Variants in C2orf49 observed in about 807,000 individuals in gnomAD.
C2orf49 encodes the protein tRNA-splicing ligase complex subunit ASW.
In C2orf49, 11 loss-of-function variants were observed where a neutral mutation model predicts 20.6. The ratio of observed to expected loss-of-function variants is 0.53; its 90% CI spans 0.34 to 0.88. The LOEUF (loss-of-function observed/expected upper bound fraction) is 0.88. Among genes scored for constraint, C2orf49 ranks in the 40% least tolerant of loss-of-function variants. C2orf49 has a pLI of 0.02. For synonymous variants in C2orf49, 134 were observed against 108.5 expected (o/e 1.24, Z -1.46); for missense variants, 289 against 274.2 (o/e 1.05, Z -0.38).
chr2:105,373,387 C>T, the C2orf49 span: 1 of 673,176 alleles, frequency 1.5e-6, no homozygotes, highest in Non-Finnish European at 2.6e-6. Context: ...CATGATAGAA[C>T]CTGTATGTCC....
chr2:105,345,617 G>A lies in C2orf49; in HGVS notation c.*246G>A. 2.0e-6 allele frequency: 1 copy of A among 510,144 alleles called. No individual in the cohort carries two copies. The highest frequency in any genetic ancestry group is 2.4e-5 in the South Asian group (1 of 41,670). The allele number at this position is 510,144 out of a possible 1,614,324, so 31.6% of individuals were successfully genotyped here. A position where few individuals can be genotyped will look rare whatever the true frequency, so the allele number is the denominator to read the frequency against. ...TTTTTAAACCAATGGCTTAGTATATGTCATTTATATTGACCCTACTGAAAT... is the reference window on the plus strand; with the variant it reads ...TTTTTAAACCAATGGCTTAGTATATATCATTTATATTGACCCTACTGAAAT... On this transcript the variant is annotated 3_prime_UTR_variant, in exon 4 of 4. Transcript: ENST00000258457.
the C2orf49 span, chr2:105,367,635 T>C: frequency 1.2e-6 from 2 of 1,614,164 alleles, no homozygotes; most frequent in Non-Finnish European, 1.7e-6. Context: ...AAATTCTGAT[T>C]GTCTTTGGGG....
the C2orf49 span, chr2:105,378,932 G>A: frequency 1.3e-5 from 2 of 152,204 alleles, no homozygotes; most frequent in Non-Finnish European, 2.9e-5. Context: ...TCCTGGGCCA[G>A]AAATGCCTGA....
In C2orf49 at chr2:105,348,046, T is replaced by C. The variant is rs1573250699; in HGVS notation, c.*2675T>C. 1 of 152,244 alleles carries C rather than the reference T, an allele frequency of 6.6e-6. No homozygotes were observed. Among genetic ancestry groups the C allele is most frequent in the African/African-American group, 2.4e-5 (1 of 41,464 alleles). The allele number at this position is 152,244 out of a possible 1,614,324, so 9.4% of individuals were successfully genotyped here. ...GTTCCTTCTTTTCCCTTTCTCCTTA[T>C]ACATTTTCTTTCTCTACTTTAATTC... On this transcript the variant is annotated 3_prime_UTR_variant, in exon 4 of 4. Transcript: ENST00000258457.
the C2orf49 span, among the ~76,000 whole-genome samples, chr2:105,365,619 A>G: frequency 6.6e-6 from 1 of 151,976 alleles, no homozygotes; most frequent in African/African-American, 2.4e-5. Flanking sequence ...GAATAAAGAA[A>G]AAAACAGGAG....
the C2orf49 span, chr2:105,361,096 C>T: frequency 1.2e-5 from 6 of 511,354 alleles, no homozygotes; most frequent in Admixed American, 1.9e-4. Flanking sequence ...GGCGAGTTTT[C>T]TCTTTCCCTG....
At position 105,345,337 on chromosome 2, in the gene C2orf49, C is replaced by T. The variant is rs35483610; in HGVS notation, c.665C>T (p.Ala222Val). The T allele has an allele frequency of 9.4e-4, 1,518 of 1,611,422 alleles. 14 individuals carry two copies. The African/African-American group carries it at 0.017, about 18-fold the overall frequency. Residue 222 changes from alanine (A) to valine (V), a missense_variant, in exon 4 of 4, where the codon GCA becomes GTA. Coordinates refer to ENST00000258457, the MANE Select transcript of C2orf49 (RefSeq NM_024093.3). ...EAMNNLKPPQ[A>V]KRKIQHVTWP ...CAGAATAACCTGAAGCCCCCACAAG[C>T]AAAAAGGAAGATACAACATGTTACT...
intron 3 of C2orf49, among the ~76,000 whole-genome samples, chr2:105,344,694 C>T (rs924064046): frequency 1.3e-5 from 2 of 152,014 alleles, no homozygotes; most frequent in African/African-American, 4.8e-5. Context: ...ATCCTCCTGC[C>T]TCAGCCTCCC....
chr2:105,377,783 A>G, the C2orf49 span: 4 of 313,362 alleles, frequency 1.3e-5, no homozygotes, highest in South Asian at 1.1e-4. Context: ...ATGACCCAAG[A>G]GTCACTGTCT....
At chr2:105,382,463 C>T in the C2orf49 span, among the ~76,000 whole-genome samples, 2 of 152,212 alleles carry the variant, frequency 1.3e-5, no homozygotes, top group Non-Finnish European at 2.9e-5. Context: ...ATCCCTTTAA[C>T]CCTTGGCAAG....
chr2:105,337,619 C>A lies in C2orf49; in HGVS notation c.32C>A (p.Thr11Lys). Residue 11 changes from threonine to lysine, a missense_variant, in exon 1 of 4, where the codon ACG becomes AAG. Coordinates refer to ENST00000258457, the MANE Select transcript of C2orf49 (RefSeq NM_024093.3). ...GGGGATGTGGGCGGTCGCAGCTGCA[C>A]GGACTCGGAACTGCTGCTGCACCCG... is the stretch of plus-strand genomic sequence containing the variant. MAGDVGGRSC[T>K]DSELLLHPEL... 6.2e-7 allele frequency: 1 copy of A among 1,610,344 alleles called. No homozygotes were observed. The highest frequency in any genetic ancestry group is 8.5e-7 in the Non-Finnish European group (1 of 1,178,710).
chr2:105,342,884 C>T lies in C2orf49; in HGVS notation c.303C>T (p.Leu101=), dbSNP rs1489449045. ...STVDGLRKRP[L]IVFDGSSTST... ...TAGATGGGTTAAGGAAAAGACCCCT[C>T]ATCGTATTTGATGGAAGTTCAACAA... Residue 101 remains leucine, a synonymous_variant, in exon 3 of 4, where the codon CTC becomes CTT. Coordinates refer to ENST00000258457, the MANE Select transcript of C2orf49 (RefSeq NM_024093.3). 2 of 1,614,102 alleles carry T rather than the reference C, an allele frequency of 1.2e-6. No individual in the cohort carries two copies. Among genetic ancestry groups the T allele is most frequent in the African/African-American group, 1.3e-5 (1 of 75,034 alleles).
the C2orf49 span, chr2:105,373,976 G>C: frequency 1.9e-6 from 1 of 537,758 alleles, no homozygotes. Context: ...GCACATGTCT[G>C]TGTGTGAGAG....
chr2:105,364,952 C>A, the C2orf49 span, among the ~76,000 whole-genome samples: 5 of 152,172 alleles, frequency 3.3e-5, no homozygotes, highest in Non-Finnish European at 5.9e-5. Flanking sequence ...ATAACCCACC[C>A]CACTGCACAA....
the C2orf49 span, chr2:105,375,957 T>C: frequency 3.3e-5 from 5 of 152,234 alleles, no homozygotes; most frequent in Non-Finnish European, 7.3e-5. Context: ...CTGCTTTGAT[T>C]TGAGTTGATG....
the C2orf49 span, among the ~76,000 whole-genome samples, chr2:105,372,850 C>T: frequency 1.3e-5 from 2 of 152,180 alleles, no homozygotes; most frequent in African/African-American, 4.8e-5. Flanking sequence ...AGCCACCGCA[C>T]CCAGCTTCTT....
the C2orf49 span, among the ~76,000 whole-genome samples, chr2:105,374,935 G>A: frequency 6.6e-6 from 1 of 152,166 alleles, no homozygotes; most frequent in South Asian, 2.1e-4. Flanking sequence ...TCCTGAACAG[G>A]GCACAGGAGG....
chr2:105,372,482 TG>T, the C2orf49 span, among the ~76,000 whole-genome samples: 1 of 152,020 alleles, frequency 6.6e-6, no homozygotes, highest in Non-Finnish European at 1.5e-5. Flanking sequence ...TCCTTAGCCT[TG>T]CAAAGTGCTG....
At chr2:105,342,809 C>T in intron 2 of C2orf49, 39 bp from the exon 3 acceptor site, 1 of 1,562,328 alleles carries the variant, frequency 6.4e-7, no homozygotes. Flanking sequence ...TTTGCCGTTC[C>T]AGATGGTATT....
Sources: gnomAD v4.1 joint callset for allele counts (sites outside exome capture counted in the v4.1 genomes callset) on GRCh38, gnomAD v4.1.1 for gene constraint, MANE v1.5 for transcripts, NCBI Gene and HGNC (gene_info 2026-07-23, HGNC 2026-07-21) for gene names.